The following DOCK1 variants were observed in gnomAD, a reference collection of about 807,000 sequenced individuals.
DOCK1 encodes the protein dedicator of cytokinesis protein 1.
Under a neutral mutation model 262.7 loss-of-function variants are expected in DOCK1, and 138 were observed. That is an observed-to-expected ratio of 0.53 (90% CI 0.46 to 0.61). DOCK1 has a LOEUF of 0.61. Among genes scored for constraint, DOCK1 ranks in the 20% least tolerant of loss-of-function variants. DOCK1 has a pLI of 0.00. For synonymous variants in DOCK1, 866 were observed against 867.4 expected (o/e 1.00, Z 0.03); for missense variants, 1,908 against 2,370.7 (o/e 0.80, Z 4.05).
intron 1 of DOCK1, among the ~76,000 whole-genome samples, chr10:126,914,408 T>A (rs2032224259): frequency 6.6e-6 from 1 of 152,170 alleles, no homozygotes; most frequent in South Asian, 2.1e-4. Flanking sequence ...TTTATTTTAT[T>A]TATTTATTTT....
At chr10:127,009,451 G>A (rs1251032297) in intron 11 of DOCK1, among the ~76,000 whole-genome samples, 3 of 152,110 alleles carry the variant, frequency 2.0e-5, no homozygotes, top group Admixed American at 6.5e-5. Flanking sequence ...TATTTCCCTC[G>A]TGTGGAAGCA....
intron 29 of DOCK1, among the ~76,000 whole-genome samples, chr10:127,329,021 A>G (rs1305781532): frequency 6.6e-6 from 1 of 152,086 alleles, no homozygotes; most frequent in Non-Finnish European, 1.5e-5. Flanking sequence ...ACCGTTTATA[A>G]GTGTATCATT....
chr10:127,350,212 T>TA (rs1565014677), intron 31 of DOCK1, among the ~76,000 whole-genome samples: 5 of 152,148 alleles, frequency 3.3e-5, no homozygotes, highest in African/African-American at 9.7e-5. Flanking sequence ...ATGTATTTTT[T>TA]ATGTCAGAAA....
At chr10:127,267,472 T>G (rs2060404467) in intron 29 of DOCK1, among the ~76,000 whole-genome samples, 1 of 152,246 alleles carries the variant, frequency 6.6e-6, no homozygotes, top group Non-Finnish European at 1.5e-5. Flanking sequence ...ATTGCCTGTT[T>G]TAAATTTTAA....
chr10:127,393,948 C>A (rs1049598862), intron 38 of DOCK1, among the ~76,000 whole-genome samples: 3 of 152,020 alleles, frequency 2.0e-5, no homozygotes, highest in African/African-American at 7.2e-5. Context: ...CTGAGTGTGC[C>A]CCAAAAGCCT....
At chr10:126,913,590 G>A (rs373621647) in intron 1 of DOCK1, among the ~76,000 whole-genome samples, 120 of 152,256 alleles carry the variant, frequency 7.9e-4, no homozygotes, top group African/African-American at 2.6e-3. Context: ...AAATGACACC[G>A]GGCTTCTTGA....
chr10:127,263,984 C>T (rs529559491), intron 29 of DOCK1, among the ~76,000 whole-genome samples: 21 of 152,258 alleles, frequency 1.4e-4, no homozygotes, highest in Non-Finnish European at 2.9e-4. Context: ...TTTGTCACCT[C>T]GAAGAAACCG....
intron 1 of DOCK1, among the ~76,000 whole-genome samples, chr10:126,949,922 C>T (rs998768409): frequency 2.2e-3 from 329 of 151,944 alleles, no homozygotes; most frequent in Middle Eastern, 6.8e-3. Context: ...AGTGTGGAGC[C>T]GCGTGTTATG....
intron 29 of DOCK1, among the ~76,000 whole-genome samples, chr10:127,274,752 C>T (rs1013197093): frequency 9.9e-5 from 15 of 152,158 alleles, no homozygotes; most frequent in East Asian, 3.9e-4. Context: ...TTTGGCCTAG[C>T]GCAGTGTTTC....
chr10:127,160,137 GA>G (rs200473636), intron 27 of DOCK1, among the ~76,000 whole-genome samples: 9,227 of 128,344 alleles, frequency 0.072, 751 homozygotes, highest in African/African-American at 0.21. Flanking sequence ...GGTCAGGAAA[GA>G]AAAAAAAAAA....
chr10:126,916,540 A>G (rs760645332), intron 1 of DOCK1, among the ~76,000 whole-genome samples: 92 of 152,300 alleles, frequency 6.0e-4, no homozygotes, highest in Non-Finnish European at 1.1e-3. Context: ...TGAAGCCTGT[A>G]TGTTTCAGCC....
chr10:127,238,919 C>A (rs1225417927), intron 27 of DOCK1, among the ~76,000 whole-genome samples: 1 of 152,200 alleles, frequency 6.6e-6, no homozygotes, highest in Non-Finnish European at 1.5e-5. Flanking sequence ...GCCTTATCCC[C>A]TCCATTTCTC....
chr10:127,072,570 A>T (rs1237940684), intron 23 of DOCK1, among the ~76,000 whole-genome samples: 3 of 152,238 alleles, frequency 2.0e-5, no homozygotes, highest in Non-Finnish European at 4.4e-5. Flanking sequence ...ATACAAAGGT[A>T]GTCACCATGA....
chr10:127,099,677 G>A (rs1421690024), intron 23 of DOCK1, among the ~76,000 whole-genome samples: 2 of 152,100 alleles, frequency 1.3e-5, no homozygotes, highest in African/African-American at 2.4e-5. Flanking sequence ...TGGTTACTGC[G>A]AGGAAGGTAT....
chr10:127,381,731 G>A (rs887005339), intron 37 of DOCK1, among the ~76,000 whole-genome samples: 1 of 152,214 alleles, frequency 6.6e-6, no homozygotes, highest in Admixed American at 6.5e-5. Context: ...GAACAGCTAA[G>A]AGATAGGATG....
At chr10:127,309,202 T>A (rs2061977057) in intron 29 of DOCK1, among the ~76,000 whole-genome samples, 1 of 152,226 alleles carries the variant, frequency 6.6e-6, no homozygotes, top group Non-Finnish European at 1.5e-5. Context: ...GTTGAGCTTT[T>A]TTTTTTCACA....
intron 27 of DOCK1, among the ~76,000 whole-genome samples, chr10:127,156,848 G>A (rs1054562300): frequency 1.5e-4 from 23 of 152,202 alleles, no homozygotes; most frequent in African/African-American, 5.3e-4. Context: ...GATTACAGGC[G>A]TGTGCCACCA....
chr10:127,102,756 C>T (rs890226035), intron 23 of DOCK1, among the ~76,000 whole-genome samples: 2 of 152,172 alleles, frequency 1.3e-5, no homozygotes, highest in East Asian at 1.9e-4. Flanking sequence ...AGAAGAATCA[C>T]GTGAACCCGG....
intron 29 of DOCK1, among the ~76,000 whole-genome samples, chr10:127,269,660 G>A (rs1287014477): frequency 6.6e-6 from 1 of 152,210 alleles, no homozygotes; most frequent in East Asian, 1.9e-4. Context: ...TGGCATCTTG[G>A]AAGGACAGAG....
Sources: allele counts gnomAD v4.1 joint callset (sites outside exome capture counted in the v4.1 genomes callset), GRCh38; gene constraint gnomAD v4.1.1; transcripts MANE v1.5; gene names NCBI Gene and HGNC (gene_info 2026-07-23, HGNC 2026-07-21).